Variants in RBFOX1 observed in about 807,000 individuals in gnomAD.
The protein encoded by RBFOX1 is RNA binding protein fox-1 homolog 1.
A neutral mutation model predicts 57.7 loss-of-function variants in RBFOX1; 8 were observed. The observed-to-expected ratio is 0.14, with a 90% CI of 0.08 to 0.25. The LOEUF (loss-of-function observed/expected upper bound fraction) is 0.25. Among genes scored for constraint, RBFOX1 ranks in the 10% least tolerant of loss-of-function variants. The pLI, the probability that RBFOX1 is intolerant of heterozygous loss-of-function variation, is 1.00. For synonymous variants in RBFOX1, 326 were observed against 222.4 expected (o/e 1.47, Z -4.15); for missense variants, 611 against 548.5 (o/e 1.11, Z -1.14).
intron 3 of RBFOX1, among the ~76,000 whole-genome samples, chr16:6,916,583 A>G (rs913057146): frequency 6.6e-6 from 1 of 151,972 alleles, no homozygotes; most frequent in Admixed American, 6.6e-5. Context: ...ATCGTGACCT[A>G]CACACTTGTA....
At chr16:7,619,765 A>C (rs964139534) in intron 10 of RBFOX1, among the ~76,000 whole-genome samples, 19 of 152,114 alleles carry the variant, frequency 1.2e-4, no homozygotes, top group African/African-American at 4.6e-4. Context: ...GACAGTTTCT[A>C]ATTTTTTTTT....
intron 14 of RBFOX1, among the ~76,000 whole-genome samples, chr16:7,690,702 G>T (rs369680632): frequency 5.1e-4 from 78 of 152,084 alleles, no homozygotes; most frequent in African/African-American, 1.8e-3. Context: ...TGGATATAGC[G>T]GAGACATTCG....
intron 2 of RBFOX1, among the ~76,000 whole-genome samples, chr16:5,519,968 C>G (rs953153055): frequency 1.3e-5 from 2 of 152,222 alleles, no homozygotes; most frequent in African/African-American, 4.8e-5. Context: ...GATATATCTC[C>G]TGCCCTCAGG....
chr16:7,004,516 T>A (rs539367672), intron 3 of RBFOX1, among the ~76,000 whole-genome samples: 164 of 152,304 alleles, frequency 1.1e-3, no homozygotes, highest in African/African-American at 3.7e-3. Context: ...ATGCCAGCAC[T>A]CCAAGAGAGA....
Position 7,010,352 on chromosome 16 carries a change from A to G in RBFOX1, c.-15-41705A>G, listed in dbSNP as rs1035720301. On this transcript the variant is annotated intron_variant, in intron 3 of 15. Transcript: ENST00000550418. ...TGAGCATCAAACCCAGTCTGGTTAG[A>G]CTTTCTGTACAGACTCTTACGCTAG... Among the ~76,000 whole-genome samples the G allele has an allele frequency of 7.9e-5, 12 of 152,328 alleles. No individual in the cohort carries two copies. In the East Asian group the frequency reaches 1.9e-3, roughly 25 times the overall value.
intron 3 of RBFOX1, among the ~76,000 whole-genome samples, chr16:6,908,269 C>G (rs1354867714): frequency 1.3e-5 from 2 of 151,750 alleles, no homozygotes; most frequent in East Asian, 1.9e-4. Flanking sequence ...CGGGTGTCCT[C>G]TCCTGCGGCT....
intron 4 of RBFOX1, among the ~76,000 whole-genome samples, chr16:7,067,951 A>ATTTT (rs60401242): frequency 2.5e-5 from 3 of 121,186 alleles, no homozygotes; most frequent in African/African-American, 6.4e-5. Flanking sequence ...AGAGGGCGCC[A>ATTTT]TTTTTTTTTT....
intron 4 of RBFOX1, among the ~76,000 whole-genome samples, chr16:7,412,044 C>G (rs4332760): frequency 0.31 from 46,582 of 151,844 alleles, 7,741 homozygotes; most frequent in Middle Eastern, 0.41. Flanking sequence ...TAGATGAAAA[C>G]TAAAGCAATC....
At chr16:7,476,108 A>G (rs1436543053) in intron 4 of RBFOX1, among the ~76,000 whole-genome samples, 3 of 152,062 alleles carry the variant, frequency 2.0e-5, no homozygotes, top group South Asian at 2.1e-4. Context: ...TGGGACCACT[A>G]GCACACATCA....
intron 3 of RBFOX1, among the ~76,000 whole-genome samples, chr16:6,753,240 G>A (rs964362185): frequency 1.3e-5 from 2 of 152,190 alleles, no homozygotes; most frequent in African/African-American, 4.8e-5. Context: ...GATAAAGCAA[G>A]TATAGTAAAA....
intron 2 of RBFOX1, among the ~76,000 whole-genome samples, chr16:6,565,324 T>C (rs995747545): frequency 3.3e-5 from 5 of 152,012 alleles, no homozygotes; most frequent in Non-Finnish European, 7.4e-5. Context: ...TGGCGCGATC[T>C]TGGCTCACTG....
At chr16:5,593,455 C>A (rs1050961709) in intron 2 of RBFOX1, among the ~76,000 whole-genome samples, 1 of 152,134 alleles carries the variant, frequency 6.6e-6, no homozygotes, top group Non-Finnish European at 1.5e-5. Context: ...CAAACCTGCA[C>A]TTTCTGCACA....
intron 1 of RBFOX1, among the ~76,000 whole-genome samples, chr16:6,279,506 G>A (rs1439386261): frequency 6.6e-6 from 1 of 152,130 alleles, no homozygotes; most frequent in South Asian, 2.1e-4. Context: ...AGATTCCATG[G>A]AAACTTTAAA....
intron 3 of RBFOX1, among the ~76,000 whole-genome samples, chr16:5,621,071 A>G (rs1596483168): frequency 6.6e-6 from 1 of 152,094 alleles, no homozygotes. Context: ...TGATGTCCTG[A>G]CCTCGTGATC....
chr16:5,621,122 T>G lies in RBFOX1; in HGVS notation c.318+22161T>G, dbSNP rs529705249. Among the ~76,000 whole-genome samples the G allele has an allele frequency of 1.8e-3, 280 of 152,282 alleles. 2 individuals carry two copies. Among genetic ancestry groups the G allele is most frequent in the African/African-American group, 6.3e-3 (262 of 41,552 alleles). On this transcript the variant is annotated intron_variant, in intron 3 of 19. Coordinates refer to the RBFOX1 transcript ENST00000641259. Reference sequence around the variant, plus strand: ...CCCAAAGTGCTGGGATTACAGGCGTTGAGCCAATGCGCCCAGCCTGCTAAT... The same window carrying G: ...CCCAAAGTGCTGGGATTACAGGCGTGGAGCCAATGCGCCCAGCCTGCTAAT...
intron 2 of RBFOX1, among the ~76,000 whole-genome samples, chr16:5,558,583 G>C (rs1412086781): frequency 6.6e-6 from 1 of 152,066 alleles, no homozygotes; most frequent in Non-Finnish European, 1.5e-5. Flanking sequence ...ATCTGAATTG[G>C]TCCCTTTCCT....
At chr16:7,624,416 T>C (rs2059767218) in intron 10 of RBFOX1, among the ~76,000 whole-genome samples, 1 of 152,230 alleles carries the variant, frequency 6.6e-6, no homozygotes, top group Admixed American at 6.5e-5. Flanking sequence ...TTTGGTTTGA[T>C]ATTCAGAATC....
intron 3 of RBFOX1, among the ~76,000 whole-genome samples, chr16:5,625,276 G>A (rs1000221325): frequency 1.3e-5 from 2 of 152,074 alleles, no homozygotes; most frequent in Non-Finnish European, 2.9e-5. Flanking sequence ...GGCGTAGGAA[G>A]CATTTGTTGA....
chr16:7,542,686 C>A (rs1261520438), intron 5 of RBFOX1, among the ~76,000 whole-genome samples: 1 of 112,866 alleles, frequency 8.9e-6, no homozygotes, highest in African/African-American at 3.4e-5. Flanking sequence ...GAAACCCTGT[C>A]TCTACTAAAA....
Sources: allele counts gnomAD v4.1 joint callset (sites outside exome capture counted in the v4.1 genomes callset), GRCh38; gene constraint gnomAD v4.1.1; transcripts MANE v1.5; gene names NCBI Gene and HGNC (gene_info 2026-07-23, HGNC 2026-07-21).